SNX29: variants seen among roughly 807,000 people sequenced by gnomAD.
SNX29 encodes sorting nexin-29.
SNX29 carries 78 observed loss-of-function variants against 102.1 expected under a neutral mutation model. The ratio of observed to expected loss-of-function variants is 0.76; its 90% CI spans 0.64 to 0.92. The LOEUF is 0.92. Ranked by LOEUF, SNX29 falls within the 40% of genes least tolerant of loss-of-function variation. The probability of loss-of-function intolerance (pLI) is 0.00; values close to 1 mark genes in which losing one functional copy is unlikely to be tolerated. For synonymous variants in SNX29, 580 were observed against 414.5 expected, an observed-to-expected ratio of 1.40 and a Z score of -4.85; for missense variants, 1,280 against 1,061.7, an observed-to-expected ratio of 1.21 and a Z score of -2.86.
intron 18 of SNX29, among the ~76,000 whole-genome samples, chr16:12,462,856 G>A (rs952067408): frequency 2.0e-5 from 3 of 152,164 alleles, no homozygotes; most frequent in African/African-American, 7.2e-5. Flanking sequence ...ATGGCTAAGG[G>A]GGGATCATGT....
chr16:12,089,569 A>C (rs984798789), intron 11 of SNX29, among the ~76,000 whole-genome samples: 3 of 152,170 alleles, frequency 2.0e-5, no homozygotes, highest in Non-Finnish European at 2.9e-5. Flanking sequence ...GGCTTCTCTC[A>C]GATGTCAGCG....
chr16:12,490,893 C>T (rs2088511254), intron 19 of SNX29, among the ~76,000 whole-genome samples: 6 of 152,268 alleles, frequency 3.9e-5, no homozygotes, highest in Admixed American at 3.3e-4. Context: ...GTAAATACAG[C>T]TAAACCCTCT....
intron 15 of SNX29, among the ~76,000 whole-genome samples, chr16:12,349,743 C>G (rs1356613152): frequency 2.0e-5 from 3 of 152,132 alleles, no homozygotes; most frequent in African/African-American, 7.2e-5. Context: ...TTTCAACTCT[C>G]TTGAATTTTA....
At chr16:12,251,214 C>T (rs894380465) in intron 14 of SNX29, among the ~76,000 whole-genome samples, 29 of 152,318 alleles carry the variant, frequency 1.9e-4, no homozygotes, top group Admixed American at 1.2e-3. Context: ...GTAAAGTGGA[C>T]GTGATAATAG....
At chr16:12,298,281 C>G (rs1359581696) in intron 15 of SNX29, among the ~76,000 whole-genome samples, 1 of 152,178 alleles carries the variant, frequency 6.6e-6, no homozygotes, top group East Asian at 1.9e-4. Flanking sequence ...CAATGAATAA[C>G]TGGTATGATG....
At chr16:12,557,991 G>A (rs1334415160) in intron 20 of SNX29, among the ~76,000 whole-genome samples, 5 of 152,244 alleles carry the variant, frequency 3.3e-5, no homozygotes, top group Admixed American at 6.5e-5. Flanking sequence ...TTTTAGCCAC[G>A]GTTGGTTGGG....
chr16:12,538,625 G>A (rs138825236), intron 20 of SNX29, among the ~76,000 whole-genome samples: 4 of 152,256 alleles, frequency 2.6e-5, no homozygotes, highest in Admixed American at 1.3e-4. Flanking sequence ...CCTTGACTAG[G>A]AAGAATGGAA....
intron 14 of SNX29, among the ~76,000 whole-genome samples, chr16:12,263,293 A>C (rs138037486): frequency 6.6e-6 from 1 of 152,112 alleles, no homozygotes; most frequent in East Asian, 1.9e-4. Context: ...ATAGCCAGCT[A>C]ATTTTTATAT....
At chr16:12,515,639 A>C (rs1449092122) in intron 19 of SNX29, 1 of 483,948 alleles carries the variant, frequency 2.1e-6, no homozygotes, top group Non-Finnish European at 4.1e-6. Context: ...TGTCCTAGCC[A>C]CCCAAGCCAA....
At chr16:12,090,817 C>A (rs1016621566) in intron 11 of SNX29, among the ~76,000 whole-genome samples, 1 of 152,018 alleles carries the variant, frequency 6.6e-6, no homozygotes, top group African/African-American at 2.4e-5. Flanking sequence ...GAGTTCAAGA[C>A]CAGCCTGGCC....
intron 16 of SNX29, among the ~76,000 whole-genome samples, chr16:12,372,143 C>T (rs1276069203): frequency 6.6e-6 from 1 of 152,140 alleles, no homozygotes; most frequent in Non-Finnish European, 1.5e-5. Flanking sequence ...CATATATATA[C>T]ACACACACAT....
chr16:12,563,198 A>T (rs1270958130), intron 20 of SNX29, among the ~76,000 whole-genome samples: 1 of 41,788 alleles, frequency 2.4e-5, no homozygotes, highest in Admixed American at 1.8e-4. Context: ...CACAGTCAAC[A>T]TGCTGGGATT....
chr16:12,173,522 G>A (rs956810429), intron 13 of SNX29, among the ~76,000 whole-genome samples: 1 of 152,224 alleles, frequency 6.6e-6, no homozygotes, highest in Admixed American at 6.5e-5. Context: ...AGTGCTGAGT[G>A]AGGTCTTGAA....
chr16:12,048,729 G>C (rs2050188718), intron 7 of SNX29, 109 bp downstream of exon 7: 4 of 1,564,856 alleles, frequency 2.6e-6, no homozygotes, highest in South Asian at 2.2e-5. Context: ...GGAGTCCAGT[G>C]CACTTGCGTT....
chr16:12,198,176 C>T (rs907852448), intron 13 of SNX29, among the ~76,000 whole-genome samples: 6 of 152,034 alleles, frequency 3.9e-5, no homozygotes, highest in Non-Finnish European at 8.8e-5. Flanking sequence ...GGAGGAAGGC[C>T]TGAAAGGTAT....
chr16:12,525,884 C>T (rs553191588), intron 20 of SNX29, among the ~76,000 whole-genome samples: 7 of 152,212 alleles, frequency 4.6e-5, no homozygotes, highest in South Asian at 4.2e-4. Flanking sequence ...TGCTGGGAAA[C>T]GTCAGGCTGT....
chr16:12,512,367 AAAATATATATATAT>A (rs1369257238), intron 19 of SNX29, among the ~76,000 whole-genome samples: 615 of 39,462 alleles, frequency 0.016, 56 homozygotes, highest in South Asian at 0.084. Context: ...AGGCCCAGGG[AAAATATATATATAT>A]ATATATATAT....
intron 20 of SNX29, among the ~76,000 whole-genome samples, chr16:12,543,380 T>C (rs1443013015): frequency 6.6e-6 from 1 of 151,942 alleles, no homozygotes; most frequent in African/African-American, 2.4e-5. Context: ...GGACTGAACA[T>C]GATTATCCAG....
chr16:12,178,538 T>G (rs2076312421), intron 13 of SNX29, among the ~76,000 whole-genome samples: 1 of 152,194 alleles, frequency 6.6e-6, no homozygotes, highest in East Asian at 1.9e-4. Flanking sequence ...TCCTGAATGT[T>G]CCGTCATGGT....
Sources: allele counts gnomAD v4.1 joint callset (sites outside exome capture counted in the v4.1 genomes callset), GRCh38; gene constraint gnomAD v4.1.1; transcripts MANE v1.5; gene names NCBI Gene and HGNC (gene_info 2026-07-23, HGNC 2026-07-21).